Variants in TRDN observed in about 807,000 individuals in gnomAD.
The protein encoded by TRDN is triadin in skeletal muscle.
A neutral mutation model predicts 149.7 loss-of-function variants in TRDN; 161 were observed. That is an observed-to-expected ratio of 1.08 (90% CI 0.95 to 1.23). The LOEUF (loss-of-function observed/expected upper bound fraction) is 1.23, where lower values mean the gene tolerates loss of function less well. TRDN is among the 50% of genes most tolerant of loss of function. The pLI is 0.00. For missense variants in TRDN, 896 were observed against 823.5 expected (o/e 1.09, Z -1.08); for synonymous variants, 294 against 250.5 (o/e 1.17, Z -1.64).
chr6:123,583,606 C>G lies in TRDN; in HGVS notation c.23-12474G>C, dbSNP rs1429027756. On this transcript the variant is annotated intron_variant, in intron 1 of 40. Transcript: ENST00000334268. ...CTGAAAAACTGCTTGGCTGATTTGA[C>G]TAATAAAAGCTTGTCTGTTATCAGA... 2.6e-5 allele frequency among the ~76,000 whole-genome samples: 4 copies of G among 151,356 alleles called. No homozygotes were observed. In the East Asian group the frequency reaches 7.8e-4, roughly 29 times the overall value.
At chr6:123,573,501 A>G (rs1264949686) in intron 1 of TRDN, among the ~76,000 whole-genome samples, 1 of 152,110 alleles carries the variant, frequency 6.6e-6, no homozygotes, top group Admixed American at 6.6e-5. Context: ...TAACCTCGGA[A>G]ACAAAGGTGG....
intron 12 of TRDN, among the ~76,000 whole-genome samples, chr6:123,396,031 AAAG>A (rs1190051061): frequency 3.3e-5 from 5 of 152,198 alleles, no homozygotes; most frequent in Non-Finnish European, 5.9e-5. Flanking sequence ...GGACACATGC[AAAG>A]AAGATCAGAT....
intron 4 of TRDN, among the ~76,000 whole-genome samples, chr6:123,544,809 G>A (rs7765705): frequency 0.015 from 2,322 of 152,062 alleles, 54 homozygotes; most frequent in African/African-American, 0.053. Context: ...GGTACTACAT[G>A]TAATACCCTG....
chr6:123,283,212 C>T (rs527423324), intron 24 of TRDN, among the ~76,000 whole-genome samples: 57 of 151,860 alleles, frequency 3.8e-4, no homozygotes, highest in East Asian at 2.5e-3. Flanking sequence ...TGCTTCTGAA[C>T]GATCATTGGG....
At chr6:123,385,526 A>G (rs1251390182) in intron 14 of TRDN, among the ~76,000 whole-genome samples, 1 of 152,122 alleles carries the variant, frequency 6.6e-6, no homozygotes, top group Non-Finnish European at 1.5e-5. Flanking sequence ...GTACTGAAGT[A>G]TCCTATCTCC....
intron 38 of TRDN, among the ~76,000 whole-genome samples, chr6:123,227,593 T>C (rs553430839): frequency 1.3e-5 from 2 of 152,092 alleles, no homozygotes; most frequent in Admixed American, 1.3e-4. Flanking sequence ...AATTGTGAGA[T>C]CATCACTTTT....
At chr6:123,517,368 C>A (rs1779464060) in intron 5 of TRDN, among the ~76,000 whole-genome samples, 1 of 152,020 alleles carries the variant, frequency 6.6e-6, no homozygotes, top group Non-Finnish European at 1.5e-5. Context: ...TATTATAATA[C>A]CCTGACTTCT....
chr6:123,518,929 T>C (rs1307207837), intron 5 of TRDN, among the ~76,000 whole-genome samples: 2 of 152,118 alleles, frequency 1.3e-5, no homozygotes, highest in Admixed American at 1.3e-4. Context: ...AATGCAACAA[T>C]CAGCAACTGC....
At chr6:123,371,295 A>G (rs564700904) in intron 19 of TRDN, among the ~76,000 whole-genome samples, 4 of 152,286 alleles carry the variant, frequency 2.6e-5, no homozygotes, top group African/African-American at 9.6e-5. Context: ...AGCAACATTT[A>G]AAAATAATCT....
chr6:123,630,117 G>T (rs1434366156), intron 1 of TRDN, among the ~76,000 whole-genome samples: 2 of 151,698 alleles, frequency 1.3e-5, no homozygotes, highest in Admixed American at 6.6e-5. Flanking sequence ...CGACATTATT[G>T]TATGATGTTA....
chr6:123,453,433 A>C (rs1775909803), intron 10 of TRDN, among the ~76,000 whole-genome samples: 1 of 152,172 alleles, frequency 6.6e-6, no homozygotes, highest in African/African-American at 2.4e-5. Context: ...CAATCTCATC[A>C]AAAAGTGGGC....
chr6:123,510,642 C>CTTTTTTTTTTTTTTTTTTTT (rs145396385), intron 7 of TRDN, among the ~76,000 whole-genome samples: 1 of 138,482 alleles, frequency 7.2e-6, no homozygotes, highest in Non-Finnish European at 1.6e-5. Context: ...TGCATGACCA[C>CTTTTTTTTTTTTTTTTTTTT]TTTTTTTTTT....
chr6:123,454,810 G>A (rs772458161), intron 10 of TRDN, among the ~76,000 whole-genome samples: 1 of 152,210 alleles, frequency 6.6e-6, no homozygotes, highest in Non-Finnish European at 1.5e-5. Flanking sequence ...AATGCCTGAT[G>A]ATCTGAAGTG....
chr6:123,359,028 A>G (rs1400015341), intron 20 of TRDN, among the ~76,000 whole-genome samples: 3 of 152,198 alleles, frequency 2.0e-5, no homozygotes, highest in Admixed American at 6.5e-5. Flanking sequence ...TCCATGATCT[A>G]TTCAGATTTT....
At chr6:123,233,860 G>T (rs1298840661) in intron 38 of TRDN, among the ~76,000 whole-genome samples, 1 of 151,794 alleles carries the variant, frequency 6.6e-6, no homozygotes, top group African/African-American at 2.4e-5. Context: ...TTTAATAATT[G>T]AAATCTGTCC....
At chr6:123,372,331 T>C (rs1290341303) in intron 19 of TRDN, among the ~76,000 whole-genome samples, 1 of 152,166 alleles carries the variant, frequency 6.6e-6, no homozygotes, top group Admixed American at 6.5e-5. Flanking sequence ...GATAGATATC[T>C]GACTCACATT....
intron 1 of TRDN, among the ~76,000 whole-genome samples, chr6:123,602,100 T>C (rs2114651616): frequency 6.6e-6 from 1 of 152,248 alleles, no homozygotes; most frequent in South Asian, 2.1e-4. Flanking sequence ...CCTGCTCTCA[T>C]GACGTTTACA....
At chr6:123,517,746 T>G (rs910435051) in intron 5 of TRDN, among the ~76,000 whole-genome samples, 1 of 152,010 alleles carries the variant, frequency 6.6e-6, no homozygotes, top group African/African-American at 2.4e-5. Flanking sequence ...TCATTCGTTT[T>G]CCTTTCCCTA....
intron 24 of TRDN, among the ~76,000 whole-genome samples, chr6:123,301,118 C>G (rs1040166662): frequency 6.6e-6 from 1 of 151,952 alleles, no homozygotes; most frequent in African/African-American, 2.4e-5. Context: ...ATTATCTTAG[C>G]TTTACTTTAG....
Sources: gnomAD v4.1 joint callset for allele counts (sites outside exome capture counted in the v4.1 genomes callset) on GRCh38, gnomAD v4.1.1 for gene constraint, MANE v1.5 for transcripts, NCBI Gene and HGNC (gene_info 2026-07-23, HGNC 2026-07-21) for gene names.